PRH1: variants seen among roughly 807,000 people sequenced by gnomAD.
The protein encoded by PRH1 is proline rich protein HaeIII subfamily 1.
PRH1 carries 7 observed loss-of-function variants against 7.9 expected under a neutral mutation model. The observed-to-expected ratio is 0.89, with a 90% CI of 0.50 to 1.67. The LOEUF (loss-of-function observed/expected upper bound fraction) is 1.67, where lower values mean the gene tolerates loss of function less well. PRH1 is among the 40% of genes most tolerant of loss of function. The probability of loss-of-function intolerance (pLI) is 0.00; values close to 1 mark genes in which losing one functional copy is unlikely to be tolerated. For synonymous variants in PRH1, 45 were observed against 80.8 expected, an observed-to-expected ratio of 0.56 and a Z score of 2.38; for missense variants, 109 against 223.6, an observed-to-expected ratio of 0.49 and a Z score of 3.27.
intron 1 of PRH1, among the ~76,000 whole-genome samples, chr12:11,129,917 G>A (rs1397175643): frequency 6.6e-6 from 1 of 152,228 alleles, no homozygotes; most frequent in Non-Finnish European, 1.5e-5. Context: ...TTAGGAGGCC[G>A]ACACAGGCAG....
intron 1 of PRH1, among the ~76,000 whole-genome samples, chr12:11,015,879 T>C (rs1941270685): frequency 6.6e-6 from 1 of 152,240 alleles, no homozygotes; most frequent in Non-Finnish European, 1.5e-5. Context: ...TGCTTAGCCC[T>C]TCATAAATGC....
In PRH1 at chr12:10,941,137, G is replaced by C. The variant is rs376419652; in HGVS notation, c.-59+32518C>G. On this transcript the variant is annotated intron_variant, in intron 2 of 3. Transcript: ENST00000539853. ...AGAAAGACAAACTACCATGGTGGGT[G>C]GGGGGTTGTGTGGTGGGTTCTGTTG... Among the ~76,000 whole-genome samples the C allele has an allele frequency of 3.9e-5, 6 of 152,254 alleles. No individual in the cohort carries two copies. In the South Asian group the frequency reaches 1.2e-3, roughly 32 times the overall value.
At chr12:10,968,654 A>C (rs1938633433) in intron 2 of PRH1, among the ~76,000 whole-genome samples, 1 of 152,232 alleles carries the variant, frequency 6.6e-6, no homozygotes, top group African/African-American at 2.4e-5. Context: ...GGGCTCACTG[A>C]CGCTAGAACC....
chr12:10,993,235 G>A (rs898593501), intron 1 of PRH1, among the ~76,000 whole-genome samples: 6 of 152,196 alleles, frequency 3.9e-5, no homozygotes, highest in Admixed American at 3.3e-4. Flanking sequence ...TCGATTGGGA[G>A]AGAAAATCAA....
chr12:10,980,949 G>A (rs1356005283), intron 1 of PRH1, among the ~76,000 whole-genome samples: 1 of 152,228 alleles, frequency 6.6e-6, no homozygotes, highest in Non-Finnish European at 1.5e-5. Flanking sequence ...ATTGAAATGG[G>A]TTGATAGGCC....
intron 2 of PRH1, among the ~76,000 whole-genome samples, chr12:10,944,822 G>C (rs1950460913): frequency 1.3e-5 from 2 of 152,056 alleles, no homozygotes; most frequent in Admixed American, 1.3e-4. Context: ...ACAGTCATGT[G>C]GTTTTTGTCT....
In PRH1 at chr12:10,909,300, T is replaced by A. The variant is rs1949860096; in HGVS notation, c.-58-25025A>T. The A allele has an allele frequency of 1.9e-6, 3 of 1,605,888 alleles. No individual in the cohort carries two copies. In the South Asian group the frequency reaches 3.3e-5, roughly 18 times the overall value. On this transcript the variant is annotated intron_variant, in intron 2 of 3. Coordinates refer to the PRH1 transcript ENST00000539853. ...GATACTCGGCAGGGCACTTTCCATGTCAGAACAGAGAAAGTTCAATGTCTA... is the reference window on the plus strand; with the variant it reads ...GATACTCGGCAGGGCACTTTCCATGACAGAACAGAGAAAGTTCAATGTCTA...
chr12:11,160,962 T>G (rs1947395430), intron 1 of PRH1, among the ~76,000 whole-genome samples: 1 of 152,210 alleles, frequency 6.6e-6, no homozygotes, highest in Non-Finnish European at 1.5e-5. Context: ...GTCCTAAATT[T>G]CATGTTCTAC....
chr12:11,164,057 T>C lies in PRH1; in HGVS notation n.39+7365A>G, dbSNP rs147156947. Among the ~76,000 whole-genome samples, 55 of 152,338 alleles carry C rather than the reference T, an allele frequency of 3.6e-4. 1 individual carries two copies. In the East Asian group the frequency reaches 9.8e-3, roughly 27 times the overall value. On this transcript the variant is annotated intron_variant and non_coding_transcript_variant, in intron 1 of 1. Transcript: ENST00000541175. ...CCACTTTGAGGCCAGAGGCACCTGA[T>C]ATCATCAGTAGCTGTGATGGTTAAT...
intron 1 of PRH1, among the ~76,000 whole-genome samples, chr12:11,126,443 G>A (rs1025302975): frequency 3.4e-4 from 2 of 5,956 alleles, no homozygotes; most frequent in East Asian, 5.3e-3. Context: ...CTTTATAAAC[G>A]TCTCTCTAGT....
At chr12:10,947,537 C>A (rs151041341) in intron 2 of PRH1, among the ~76,000 whole-genome samples, 1 of 151,984 alleles carries the variant, frequency 6.6e-6, no homozygotes, top group Non-Finnish European at 1.5e-5. Context: ...AAATTTGAGA[C>A]GGGTCTCTTG....
chr12:10,947,814 G>A (rs1950510764), intron 2 of PRH1, among the ~76,000 whole-genome samples: 1 of 151,992 alleles, frequency 6.6e-6, no homozygotes, highest in South Asian at 2.1e-4. Context: ...CTCTTGTAAG[G>A]CAGTTCTGGT....
chr12:11,151,057 G>T (rs1194425438), intron 1 of PRH1, among the ~76,000 whole-genome samples: 1 of 152,132 alleles, frequency 6.6e-6, no homozygotes, highest in African/African-American at 2.4e-5. Context: ...TGCTGGGCTG[G>T]CTGGACCCTG....
At chr12:11,030,448 T>C (rs773053386) in intron 1 of PRH1, 1 of 1,614,224 alleles carries the variant, frequency 6.2e-7, no homozygotes, top group South Asian at 1.1e-5. Flanking sequence ...AGTACCTCAC[T>C]TGCCGCAAAA....
At chr12:10,928,580 T>C (rs1950155773) in intron 2 of PRH1, among the ~76,000 whole-genome samples, 1 of 152,228 alleles carries the variant, frequency 6.6e-6, no homozygotes, top group Non-Finnish European at 1.5e-5. Flanking sequence ...TCCTGTATTG[T>C]ACAGCACCAA....
Position 10,938,802 on chromosome 12 carries a change from C to T in PRH1, c.-59+34853G>A, listed in dbSNP as rs143263712. 6 of 1,613,180 alleles carry T rather than the reference C, an allele frequency of 3.7e-6. No individual in the cohort carries two copies. The African/African-American group carries it at 5.3e-5, about 14-fold the overall frequency. On this transcript the variant is annotated intron_variant, in intron 2 of 3. Coordinates refer to the PRH1 transcript ENST00000539853. ...TTTAAAAACAAGAAGACCGAAGTCACAAGAAGCAGCACCAAAACCACCTTT... is the reference window on the plus strand; with the variant it reads ...TTTAAAAACAAGAAGACCGAAGTCATAAGAAGCAGCACCAAAACCACCTTT...
chr12:11,109,643 A>G (rs1945530811), intron 1 of PRH1, among the ~76,000 whole-genome samples: 1 of 152,144 alleles, frequency 6.6e-6, no homozygotes, highest in African/African-American at 2.4e-5. Context: ...AAAAGGATGT[A>G]CACACAGAGA....
At chr12:11,103,137 T>C (rs1349903111) in intron 1 of PRH1, among the ~76,000 whole-genome samples, 1 of 152,156 alleles carries the variant, frequency 6.6e-6, no homozygotes, top group Non-Finnish European at 1.5e-5. Flanking sequence ...GTGTGGCGAT[T>C]CCTCAGGGAT....
chr12:11,103,917 T>C (rs1656295692), intron 1 of PRH1, among the ~76,000 whole-genome samples: 1 of 152,026 alleles, frequency 6.6e-6, no homozygotes, highest in Non-Finnish European at 1.5e-5. Context: ...TGTAATATTT[T>C]CTTTCTACAG....
Sources: allele counts gnomAD v4.1 joint callset (sites outside exome capture counted in the v4.1 genomes callset), GRCh38; gene constraint gnomAD v4.1.1; transcripts MANE v1.5; gene names NCBI Gene and HGNC (gene_info 2026-07-23, HGNC 2026-07-21).